The following IFT80 variants were observed in gnomAD, a reference collection of about 807,000 sequenced individuals.
The protein encoded by IFT80 is intraflagellar transport 80, also known as intraflagellar transport protein 80 homolog.
A neutral mutation model predicts 107.9 loss-of-function variants in IFT80; 79 were observed. The ratio of observed to expected loss-of-function variants is 0.73; its 90% confidence interval spans 0.61 to 0.88. The LOEUF is 0.88. IFT80 is among the 40% of genes least tolerant of loss of function. The pLI is 0.00. For synonymous variants in IFT80, 299 were observed against 300.9 expected, an observed-to-expected ratio of 0.99 and a Z score of 0.07; for missense variants, 797 against 914.2, an observed-to-expected ratio of 0.87 and a Z score of 1.65.
At chr3:160,390,553 C>T (rs1713304161) in intron 1 of IFT80, among the ~76,000 whole-genome samples, 1 of 151,978 alleles carries the variant, frequency 6.6e-6, no homozygotes, top group African/African-American at 2.4e-5. Flanking sequence ...CAGTGAGTTC[C>T]AAAAAAACTT....
chr3:160,347,150 A>G (rs948379735), intron 8 of IFT80, among the ~76,000 whole-genome samples: 2 of 152,112 alleles, frequency 1.3e-5, no homozygotes, highest in South Asian at 4.2e-4. Context: ...GCACCACCCA[A>G]TACACACACA....
At chr3:160,349,455 A>G (rs1050156902) in intron 8 of IFT80, among the ~76,000 whole-genome samples, 2 of 142,582 alleles carry the variant, frequency 1.4e-5, no homozygotes, top group Non-Finnish European at 3.2e-5. Flanking sequence ...TCTCAAAAAG[A>G]AAAAAAAAAA....
intron 1 of IFT80, among the ~76,000 whole-genome samples, chr3:160,389,623 T>C (rs1255391605): frequency 6.6e-6 from 1 of 151,704 alleles, no homozygotes; most frequent in Non-Finnish European, 1.5e-5. Context: ...GAATGATGAT[T>C]TCCAATTTCA....
At chr3:160,284,001 G>C (rs1361183499) in intron 13 of IFT80, among the ~76,000 whole-genome samples, 2 of 152,022 alleles carry the variant, frequency 1.3e-5, no homozygotes, top group African/African-American at 4.8e-5. Context: ...TCTAGTTTGG[G>C]CTCTGTTATT....
intron 3 of IFT80, 95 bp from the exon 4 acceptor site, chr3:160,377,635 C>T (rs1559969319): frequency 1.6e-6 from 1 of 629,050 alleles, no homozygotes; most frequent in South Asian, 2.0e-5. Context: ...GGCATAAAGG[C>T]AAATATTAAC....
chr3:160,265,807 T>C (rs1713268848), intron 19 of IFT80, among the ~76,000 whole-genome samples: 1 of 152,210 alleles, frequency 6.6e-6, no homozygotes, highest in South Asian at 2.1e-4. Flanking sequence ...ATATCTAGAA[T>C]AAATTTCTCA....
intron 11 of IFT80, 49 bp from the exon 12 acceptor site, chr3:160,301,095 T>A (rs746638574): frequency 1.4e-6 from 2 of 1,463,898 alleles, no homozygotes; most frequent in Non-Finnish European, 1.9e-6. Flanking sequence ...GTATACTTTA[T>A]TTTTGTTTTC....
chr3:160,307,340 G>A (rs967164783), intron 10 of IFT80, among the ~76,000 whole-genome samples: 3 of 152,072 alleles, frequency 2.0e-5, no homozygotes, highest in Non-Finnish European at 2.9e-5. Context: ...GTAGAGATGC[G>A]GTCTCACTGT....
At chr3:160,320,114 T>C (rs1171293961) in intron 8 of IFT80, 175 bp from the exon 9 acceptor site, 1 of 601,020 alleles carries the variant, frequency 1.7e-6, no homozygotes, top group Non-Finnish European at 2.9e-6. Flanking sequence ...GATGTAATTG[T>C]TGAAGTCCAC....
chr3:160,378,257 A>G (rs1015966269), intron 3 of IFT80, among the ~76,000 whole-genome samples: 19 of 151,574 alleles, frequency 1.3e-4, no homozygotes, highest in Admixed American at 4.6e-4. Context: ...AAAAAAAAGT[A>G]AAGACTGCAA....
rs577037912 is a variant in IFT80 at position 160,310,894 on chromosome 3, G to A, written c.958-3113C>T. ...CTTATGCCTTTATTCCCAGCACTTT[G>A]GGTGGCTGAGGTGGGCAGAGTTCGA... On this transcript the variant is annotated intron_variant, in intron 9 of 19. Coordinates refer to ENST00000326448, the MANE Select transcript of IFT80 (RefSeq NM_020800.3). 1.2e-4 allele frequency among the ~76,000 whole-genome samples: 18 copies of A among 152,254 alleles called. No individual in the cohort carries two copies. The South Asian group carries it at 3.5e-3, about 30-fold the overall frequency.
chr3:160,387,566 G>A (rs1384245095), intron 1 of IFT80, among the ~76,000 whole-genome samples: 1 of 152,138 alleles, frequency 6.6e-6, no homozygotes, highest in East Asian at 1.9e-4. Context: ...GTGGAATGGA[G>A]TTGCCATTTA....
chr3:160,307,789 A>T lies in IFT80; in HGVS notation c.958-8T>A, dbSNP rs752430715. 1 of 1,365,030 alleles carries T rather than the reference A, an allele frequency of 7.3e-7. No individual in the cohort carries two copies. The highest frequency in any genetic ancestry group is 1.7e-5 in the Admixed American group (1 of 59,528). 84.6% of individuals were successfully genotyped at this position (1,365,030 alleles called of 1,614,324 possible). On this transcript the variant is annotated splice_polypyrimidine_tract_variant and splice_region_variant and intron_variant, in intron 9 of 19. Transcript: ENST00000326448. ...ATTAAGAACATTACGAACCTAAACAAGGAAAAATAAAATACCAATAAACAT... is the reference window on the plus strand; with the variant it reads ...ATTAAGAACATTACGAACCTAAACATGGAAAAATAAAATACCAATAAACAT...
intron 1 of IFT80, among the ~76,000 whole-genome samples, chr3:160,388,371 A>G (rs1272043860): frequency 6.6e-6 from 1 of 151,886 alleles, no homozygotes; most frequent in Admixed American, 6.6e-5. Flanking sequence ...AAAACTGGAC[A>G]GGGGCATCAC....
At chr3:160,321,598 A>G (rs1345799639) in intron 8 of IFT80, among the ~76,000 whole-genome samples, 2 of 151,984 alleles carry the variant, frequency 1.3e-5, no homozygotes, top group African/African-American at 4.8e-5. Flanking sequence ...TACCTATGTT[A>G]AAGTTTAATT....
intron 3 of IFT80, 118 bp downstream of exon 3, chr3:160,381,385 G>A: frequency 1.3e-6 from 1 of 772,698 alleles, no homozygotes; most frequent in Non-Finnish European, 2.2e-6. Context: ...AATACAATAT[G>A]TGGATAAAAA....
chr3:160,291,474 C>G lies in IFT80; in HGVS notation c.1316-5606G>C, dbSNP rs969931710. ...GAACCACTTGAGTTGCTGCCAGATTCTGTTGACACTCGGACAGTGGCCTAT... is the reference window on the plus strand; with the variant it reads ...GAACCACTTGAGTTGCTGCCAGATTGTGTTGACACTCGGACAGTGGCCTAT... On this transcript the variant is annotated intron_variant, in intron 12 of 19. Coordinates refer to ENST00000326448, the MANE Select transcript of IFT80 (RefSeq NM_020800.3). Among the ~76,000 whole-genome samples the G allele has an allele frequency of 7.9e-5, 12 of 152,330 alleles. 1 individual carries two copies. Among genetic ancestry groups the G allele is most frequent in the African/African-American group, 2.9e-4 (12 of 41,576 alleles).
Position 160,277,578 on chromosome 3 carries a change from T to C in IFT80, c.1926+3A>G. ...TACATATATGTAAACATTAATTACT[T>C]ACTTCACCAATTGCTGCATAGGCTA... On this transcript the variant is annotated splice_donor_region_variant and intron_variant, in intron 17 of 19. Coordinates refer to ENST00000326448, the MANE Select transcript of IFT80 (RefSeq NM_020800.3). 6.2e-7 allele frequency: 1 copy of C among 1,608,766 alleles called. No individual in the cohort carries two copies. The highest frequency in any genetic ancestry group is 1.3e-5 in the African/African-American group (1 of 74,960).
chr3:160,385,368 C>A (rs995430982), intron 1 of IFT80, among the ~76,000 whole-genome samples: 1 of 152,034 alleles, frequency 6.6e-6, no homozygotes, highest in Non-Finnish European at 1.5e-5. Context: ...TGTCTGAGTC[C>A]GATTTACATT....
Sources: allele counts gnomAD v4.1 joint callset (sites outside exome capture counted in the v4.1 genomes callset), GRCh38; gene constraint gnomAD v4.1.1; transcripts MANE v1.5; gene names NCBI Gene and HGNC (gene_info 2026-07-23, HGNC 2026-07-21).